Variants in AFAP1L1 observed in about 807,000 individuals in gnomAD.
AFAP1L1 encodes the protein actin filament-associated protein 1-like 1.
Under a neutral mutation model 99.8 loss-of-function variants are expected in AFAP1L1, and 77 were observed. The observed-to-expected ratio is 0.77, with a 90% CI of 0.64 to 0.93. The LOEUF (loss-of-function observed/expected upper bound fraction) is 0.93, where lower values mean the gene tolerates loss of function less well. AFAP1L1 is among the 40% of genes least tolerant of loss of function. The pLI, the probability that AFAP1L1 is intolerant of heterozygous loss-of-function variation, is 0.00. For missense variants in AFAP1L1, 893 were observed against 996.8 expected, an observed-to-expected ratio of 0.90 and a Z score of 1.40; for synonymous variants, 373 against 395.3, an observed-to-expected ratio of 0.94 and a Z score of 0.67.
Position 149,296,670 on chromosome 5 carries a change from C to T in AFAP1L1, c.17-2839C>T, listed in dbSNP as rs146422966. 4.9e-4 allele frequency among the ~76,000 whole-genome samples: 74 copies of T among 152,340 alleles called. 1 individual carries two copies. Among genetic ancestry groups the T allele is most frequent in the African/African-American group, 1.7e-3 (70 of 41,584 alleles). On this transcript the variant is annotated intron_variant, in intron 1 of 18. Transcript: ENST00000296721. The stretch of plus-strand genomic sequence containing the variant: ...TTCTAAGCCCTGCCCAGGGGCCAGG[C>T]TGACACATAGTTAGTGCTCAGTAAA...
At position 149,290,059 on chromosome 5, in the gene AFAP1L1, C is replaced by G. The variant is rs1030545149; in HGVS notation, c.17-9450C>G. 5.3e-5 allele frequency among the ~76,000 whole-genome samples: 8 copies of G among 152,282 alleles called. No individual in the cohort carries two copies. The East Asian group carries it at 9.7e-4, about 18-fold the overall frequency. The stretch of plus-strand genomic sequence containing the variant: ...CCATCCTGGCTAACATGGTGAAACA[C>G]CTTCTCTACTAAAAATACAAAAAAT... On this transcript the variant is annotated intron_variant, in intron 1 of 18. Transcript: ENST00000296721.
chr5:149,307,363 G>A, intron 6 of AFAP1L1, 39 bp from the exon 7 acceptor site: 1 of 1,608,496 alleles, frequency 6.2e-7, no homozygotes, highest in Non-Finnish European at 8.5e-7. Context: ...GCTTCCCCAG[G>A]ATGGCACAGT....
rs1035337277 is a variant in AFAP1L1 at position 149,316,375 on chromosome 5, G to A, written c.1267+72G>A. The A allele has an allele frequency of 1.6e-5, 25 of 1,550,662 alleles. No individual in the cohort carries two copies. In the African/African-American group the frequency reaches 3.0e-4, roughly 19 times the overall value. On this transcript the variant is annotated intron_variant, in intron 11 of 18. Coordinates refer to ENST00000296721, the MANE Select transcript of AFAP1L1 (RefSeq NM_152406.4). ...CGGGCTTTGGGGGCTGAGGCCAGGA[G>A]ACCTCATGCCTCGTCCACCTCACCC...
intron 17 of AFAP1L1, among the ~76,000 whole-genome samples, chr5:149,335,368 A>G (rs1334623422): frequency 1.3e-5 from 2 of 152,120 alleles, no homozygotes; most frequent in African/African-American, 4.8e-5. Flanking sequence ...CACACCTGTA[A>G]TCCCAGCTAC....
intron 15 of AFAP1L1, 37 bp downstream of exon 15, chr5:149,322,754 G>A: frequency 6.6e-7 from 1 of 1,513,534 alleles, no homozygotes; most frequent in Non-Finnish European, 9.0e-7. Flanking sequence ...TGACTAGGGA[G>A]GAAGGAAAGG....
rs1581293936 is a variant in AFAP1L1 at position 149,286,681 on chromosome 5, G to A, written c.17-12828G>A. Among the ~76,000 whole-genome samples the A allele has an allele frequency of 2.0e-5, 3 of 152,194 alleles. No individual in the cohort carries two copies. In the East Asian group the frequency reaches 5.8e-4, roughly 29 times the overall value. On this transcript the variant is annotated intron_variant, in intron 1 of 18. Transcript: ENST00000296721. ...ACATTTATATTAATCACAATTTACT[G>A]ATTTATAAAATTTCAGTATACAGGG... is the stretch of plus-strand genomic sequence containing the variant.
At chr5:149,282,644 A>G (rs1458646347) in intron 1 of AFAP1L1, among the ~76,000 whole-genome samples, 2 of 152,230 alleles carry the variant, frequency 1.3e-5, no homozygotes, top group Admixed American at 1.3e-4. Flanking sequence ...CTACTTTCTC[A>G]CTATAAGGAC....
intron 1 of AFAP1L1, among the ~76,000 whole-genome samples, chr5:149,285,670 A>T (rs1035587318): frequency 1.3e-5 from 2 of 152,100 alleles, no homozygotes; most frequent in Non-Finnish European, 2.9e-5. Flanking sequence ...TGCCTCTCTT[A>T]GTTCAGATTG....
chr5:149,307,818 T>TCTCTCTCTC lies in AFAP1L1; in HGVS notation c.747+205_747+206insCTCTCTCTC, dbSNP rs1756473058. 1.4e-3 allele frequency among the ~76,000 whole-genome samples: 143 copies of TCTCTCTCTC among 100,558 alleles called. 1 individual carries two copies. The highest frequency in any genetic ancestry group is 2.1e-3 in the Non-Finnish European group (110 of 53,126). The allele number at this position is 100,558 out of a possible 152,430, so 66.0% of individuals were successfully genotyped here. ...ACACACACACACCCTGTGCCTCTCT[T>TCTCTCTCTC]TCTCTCTCTCTCTCTCTCTCTCTCT... is the stretch of plus-strand genomic sequence containing the variant. On this transcript the variant is annotated intron_variant, in intron 7 of 18. Coordinates refer to ENST00000296721, the MANE Select transcript of AFAP1L1 (RefSeq NM_152406.4).
intron 18 of AFAP1L1, 51 bp downstream of exon 18, chr5:149,335,773 T>C (rs1364557289): frequency 6.3e-7 from 1 of 1,588,980 alleles, no homozygotes; most frequent in Admixed American, 1.9e-5. Context: ...TAGCCCCCTT[T>C]CTATGGAACT....
At chr5:149,318,575 A>C (rs764837319) in intron 12 of AFAP1L1, among the ~76,000 whole-genome samples, 2 of 152,202 alleles carry the variant, frequency 1.3e-5, no homozygotes, top group South Asian at 2.1e-4. Flanking sequence ...CAGCACTAGA[A>C]TACTATGGGC....
At chr5:149,317,301 C>T (rs2127598968) in intron 11 of AFAP1L1, among the ~76,000 whole-genome samples, 1 of 152,302 alleles carries the variant, frequency 6.6e-6, no homozygotes, top group South Asian at 2.1e-4. Flanking sequence ...GGGTCATTAG[C>T]TACACAGCAG....
At chr5:149,302,570 T>C in intron 5 of AFAP1L1, 44 bp downstream of exon 5, 1 of 1,494,256 alleles carries the variant, frequency 6.7e-7, no homozygotes. Context: ...TTCCTGTCCC[T>C]GAGAAGCCAA....
chr5:149,311,567 G>T (rs956961123), intron 8 of AFAP1L1, among the ~76,000 whole-genome samples: 1 of 152,208 alleles, frequency 6.6e-6, no homozygotes, highest in Non-Finnish European at 1.5e-5. Flanking sequence ...GCAACAAATG[G>T]TAGCTGTGAT....
At chr5:149,313,105 A>C (rs1756686799) in intron 9 of AFAP1L1, among the ~76,000 whole-genome samples, 1 of 151,848 alleles carries the variant, frequency 6.6e-6, no homozygotes, top group Non-Finnish European at 1.5e-5. Flanking sequence ...CAGCCTGGGC[A>C]AAAAGAGCAA....
At chr5:149,289,450 TG>T in intron 1 of AFAP1L1, among the ~76,000 whole-genome samples, 1 of 151,556 alleles carries the variant, frequency 6.6e-6, no homozygotes, top group African/African-American at 2.4e-5. Context: ...GCTTTGCAGC[TG>T]GGTTTTTTTT....
chr5:149,321,021 G>A (rs766041191), intron 14 of AFAP1L1, among the ~76,000 whole-genome samples: 4 of 152,240 alleles, frequency 2.6e-5, no homozygotes, highest in Non-Finnish European at 5.9e-5. Flanking sequence ...CAGAAAGCAA[G>A]AGGAGAGCCA....
chr5:149,278,884 C>G (rs1400469450), intron 1 of AFAP1L1, among the ~76,000 whole-genome samples: 1 of 152,230 alleles, frequency 6.6e-6, no homozygotes, highest in Non-Finnish European at 1.5e-5. Context: ...TCTTGCTACA[C>G]TCACTCCTGT....
chr5:149,316,471 C>G (rs1302901925), intron 11 of AFAP1L1, among the ~76,000 whole-genome samples, 168 bp downstream of exon 11: 1 of 152,172 alleles, frequency 6.6e-6, no homozygotes, highest in Admixed American at 6.5e-5. Context: ...TAGGCCTTCC[C>G]ATCACTTTCC....
Sources: allele counts gnomAD v4.1 joint callset (sites outside exome capture counted in the v4.1 genomes callset), GRCh38; gene constraint gnomAD v4.1.1; transcripts MANE v1.5; gene names NCBI Gene and HGNC (gene_info 2026-07-23, HGNC 2026-07-21).